The following GPR161 variants were observed in gnomAD, a reference collection of about 807,000 sequenced individuals.
GPR161 encodes the protein G protein-coupled receptor 161.
In GPR161, 25 loss-of-function variants were observed where a neutral mutation model predicts 39.2. That is an observed-to-expected ratio of 0.64 (90% CI 0.47 to 0.89). GPR161 has a LOEUF of 0.89. Among genes scored for constraint, GPR161 ranks in the 40% least tolerant of loss-of-function variants. The pLI is 0.00. For missense variants in GPR161, 547 were observed against 677.8 expected (o/e 0.81, Z 2.14); for synonymous variants, 286 against 276.6 (o/e 1.03, Z -0.34).
chr1:168,129,504 T>G (rs942323024), intron 1 of GPR161, among the ~76,000 whole-genome samples: 1 of 152,134 alleles, frequency 6.6e-6, no homozygotes, highest in African/African-American at 2.4e-5. Context: ...AAGGGGGGAC[T>G]GCAAGGGGCA....
rs1693960498 is a variant in GPR161, at chr1:168,080,102, A to G, written c.*5429T>C. ...CAAAGGAATCTTCAAGGTATTGGAAATACTTTGGAATCCAAAGTATTTGTT... is the reference window on the plus strand; with the variant it reads ...CAAAGGAATCTTCAAGGTATTGGAAGTACTTTGGAATCCAAAGTATTTGTT... On this transcript the variant is annotated 3_prime_UTR_variant, in exon 6 of 6. Transcript: ENST00000682931. 1 of 152,166 alleles carries G rather than the reference A, an allele frequency of 6.6e-6. No individual in the cohort carries two copies. Among genetic ancestry groups the G allele is most frequent in the African/African-American group, 2.4e-5 (1 of 41,438 alleles). The allele number at this position is 152,166 out of a possible 1,614,324, so 9.4% of individuals were successfully genotyped here. A position where few individuals can be genotyped will look rare whatever the true frequency, so the allele number is the denominator to read the frequency against.
At chr1:168,136,236 G>T (rs1179549284) in intron 1 of GPR161, 2 of 1,309,406 alleles carry the variant, frequency 1.5e-6, no homozygotes, top group Admixed American at 7.5e-5. Context: ...CCTGAGTCCC[G>T]GCTGGGAGAA....
At chr1:168,102,036 T>G (rs889915225) in intron 2 of GPR161, among the ~76,000 whole-genome samples, 7 of 152,238 alleles carry the variant, frequency 4.6e-5, no homozygotes, top group African/African-American at 1.7e-4. Context: ...CTCCTGACTT[T>G]GGGTGATCCA....
intron 1 of GPR161, chr1:168,136,214 G>A: frequency 1.6e-6 from 2 of 1,283,534 alleles, no homozygotes. Flanking sequence ...CCCAGGCTCG[G>A]GGAGACAGCG....
At chr1:168,131,685 C>A (rs1232461805) in intron 1 of GPR161, among the ~76,000 whole-genome samples, 1 of 152,014 alleles carries the variant, frequency 6.6e-6, no homozygotes, top group Non-Finnish European at 1.5e-5. Context: ...CTAAGCAAGA[C>A]AGAAAACTTG....
upstream of GPR161, chr1:168,137,218 G>T: frequency 1.4e-6 from 2 of 1,461,976 alleles, no homozygotes; most frequent in South Asian, 2.8e-5. Flanking sequence ...CCTAACTCAG[G>T]CCTTCCCTGT....
chr1:168,135,045 C>T, intron 1 of GPR161: 2 of 1,512,278 alleles, frequency 1.3e-6, no homozygotes, highest in South Asian at 2.4e-5. Context: ...GGCTGCAACA[C>T]AAAGAGAACG....
intron 1 of GPR161, among the ~76,000 whole-genome samples, chr1:168,113,422 G>A (rs542393808): frequency 7.2e-5 from 11 of 152,306 alleles, no homozygotes; most frequent in Admixed American, 1.3e-4. Flanking sequence ...ACAGCTCAAC[G>A]TATTGTGGTC....
intron 1 of GPR161, among the ~76,000 whole-genome samples, chr1:168,121,106 G>C (rs1019017769): frequency 1.3e-5 from 2 of 152,180 alleles, no homozygotes; most frequent in African/African-American, 4.8e-5. Context: ...CATTGTTAGA[G>C]ATGAGAAGAT....
In GPR161 at chr1:168,097,028, C is replaced by T; in HGVS notation, c.579G>A (p.Gln193=). The T allele has an allele frequency of 1.2e-6, 2 of 1,614,172 alleles. No individual in the cohort carries two copies. Among genetic ancestry groups the T allele is most frequent in the African/African-American group, 1.3e-5 (1 of 75,050 alleles). ...GAAAGGGGAAGAGGGCACACCAGAT[C>T]TGCCAGAAGGCCGTGTAGCCAGGCT... ...HREPGYTAFW[Q]IWCALFPFLV... Residue 193 remains glutamine, a synonymous_variant, in exon 3 of 6, where the codon CAG becomes CAA. Coordinates refer to ENST00000682931, the MANE Select transcript of GPR161 (RefSeq NM_001375883.1).
chr1:168,130,254 A>T (rs982441131), intron 1 of GPR161, among the ~76,000 whole-genome samples: 1 of 152,126 alleles, frequency 6.6e-6, no homozygotes, highest in African/African-American at 2.4e-5. Flanking sequence ...TTCACACACC[A>T]CATCCATGTG....
intron 1 of GPR161, among the ~76,000 whole-genome samples, chr1:168,127,092 A>G (rs16860108): frequency 0.26 from 40,141 of 152,118 alleles, 5,797 homozygotes; most frequent in African/African-American, 0.38. Flanking sequence ...GGGTAAAAGT[A>G]CGAGCAAAAA....
chr1:168,132,587 CAA>C (rs1160404142), intron 1 of GPR161, among the ~76,000 whole-genome samples: 15 of 78,536 alleles, frequency 1.9e-4, no homozygotes, highest in Admixed American at 7.4e-4. Flanking sequence ...GACTCCGTCT[CAA>C]AAAAAAAAAA....
intron 1 of GPR161, among the ~76,000 whole-genome samples, chr1:168,119,285 T>C (rs1399484202): frequency 2.8e-5 from 4 of 140,402 alleles, no homozygotes; most frequent in African/African-American, 1.1e-4. Flanking sequence ...TATATATATA[T>C]ATACACATAT....
intron 1 of GPR161, among the ~76,000 whole-genome samples, chr1:168,126,818 C>G (rs918909839): frequency 2.0e-5 from 3 of 152,182 alleles, no homozygotes; most frequent in Non-Finnish European, 4.4e-5. Flanking sequence ...AATGCTTCCT[C>G]AGTTTCCCCT....
At chr1:168,089,122 T>G (rs192780469) in intron 4 of GPR161, 1 of 152,302 alleles carries the variant, frequency 6.6e-6, no homozygotes, top group East Asian at 1.9e-4. Context: ...TCCACAACAA[T>G]GGCAGTTCAC....
In GPR161 at chr1:168,085,729, T is replaced by G; in HGVS notation, c.1392A>C (p.Ala464=). The change falls in exon 6 of 6, where the codon GCA becomes GCC. Residue 464 remains alanine (A), a synonymous_variant. Transcript: ENST00000682931. The part of the protein sequence containing the change: ...EVHKSLDSYA[A]SLAKAIEAEA... ...CGGCCTCAATGGCTTTGGCCAAGCT[T>G]GCTGCGTAACTGTCCAAGGACTTGT... The G allele has an allele frequency of 6.2e-7, 1 of 1,614,212 alleles. No individual in the cohort carries two copies. Among genetic ancestry groups the G allele is most frequent in the Non-Finnish European group, 8.5e-7 (1 of 1,180,008 alleles).
rs147891461 is a variant in GPR161, at chr1:168,097,118, CAG to C, written c.487_488del (p.Leu163ValfsTer9). On this transcript the variant is annotated frameshift_variant, in exon 3 of 6. Transcript: ENST00000682931. LOFTEE classifies it high-confidence loss of function. ...CAAACTCCACGGATGACCAACCAAA[CAG>C]GGGTGGCAGGCAGCCGATGAGCGAG... ...LHSLIGCLPP[L>X]FGWSSVEFDE... 5 of 1,613,900 alleles carry C rather than the reference CAG, an allele frequency of 3.1e-6. No homozygotes were observed. The highest frequency in any genetic ancestry group is 4.5e-5 in the East Asian group (2 of 44,844).
chr1:168,115,515 C>T (rs1697546314), intron 1 of GPR161, among the ~76,000 whole-genome samples: 1 of 152,150 alleles, frequency 6.6e-6, no homozygotes, highest in African/African-American at 2.4e-5. Context: ...TCTTCACCCC[C>T]AGAGTGTGCC....
Sources: gnomAD v4.1 joint callset for allele counts (sites outside exome capture counted in the v4.1 genomes callset) on GRCh38, gnomAD v4.1.1 for gene constraint, MANE v1.5 for transcripts, NCBI Gene and HGNC (gene_info 2026-07-23, HGNC 2026-07-21) for gene names.